FNDC3A: variants seen among roughly 807,000 people sequenced by gnomAD.
FNDC3A encodes fibronectin type-III domain-containing protein 3A.
A neutral mutation model predicts 148.9 loss-of-function variants in FNDC3A; 32 were observed. That is an observed-to-expected ratio of 0.21 (90% CI 0.16 to 0.29). FNDC3A has a LOEUF of 0.29. Among genes scored for constraint, FNDC3A ranks in the 10% least tolerant of loss-of-function variants. The pLI is 1.00. For missense variants in FNDC3A, 1,191 were observed against 1,452.8 expected (o/e 0.82, Z 2.93); for synonymous variants, 472 against 473.6 (o/e 1.00, Z 0.04).
intron 1 of FNDC3A, among the ~76,000 whole-genome samples, chr13:48,978,759 T>C (rs1951646909): frequency 6.6e-6 from 1 of 152,172 alleles, no homozygotes; most frequent in Non-Finnish European, 1.5e-5. Flanking sequence ...TGCATATTTA[T>C]TCCATTGAGC....
chr13:49,190,972 G>C, intron 17 of FNDC3A, 43 bp from the exon 18 acceptor site: 1 of 1,375,858 alleles, frequency 7.3e-7, no homozygotes. Flanking sequence ...TGATTATTTG[G>C]TTTTGGGGCA....
intron 2 of FNDC3A, among the ~76,000 whole-genome samples, chr13:49,068,178 A>T (rs2137759467): frequency 6.8e-6 from 1 of 146,362 alleles, no homozygotes; most frequent in East Asian, 2.0e-4. Flanking sequence ...TATTTAAAAA[A>T]AAAAAAAAAG....
At chr13:49,190,011 C>CA (rs1885800235) in intron 17 of FNDC3A, among the ~76,000 whole-genome samples, 1 of 152,120 alleles carries the variant, frequency 6.6e-6, no homozygotes, top group South Asian at 2.1e-4. Flanking sequence ...CTCAGCCTTC[C>CA]AAGTAGCTGG....
intron 4 of FNDC3A, among the ~76,000 whole-genome samples, chr13:49,120,819 A>T (rs754050721): frequency 2.6e-4 from 39 of 152,238 alleles, no homozygotes; most frequent in Admixed American, 1.2e-3. Context: ...TATGAACCCA[A>T]TACAGGAGCA....
At chr13:49,082,788 A>G (rs1878563519) in intron 3 of FNDC3A, among the ~76,000 whole-genome samples, 1 of 152,068 alleles carries the variant, frequency 6.6e-6, no homozygotes, top group Non-Finnish European at 1.5e-5. Flanking sequence ...GCAGCCTGGT[A>G]TAGGGAGTCA....
chr13:49,124,673 G>A (rs948138808), intron 4 of FNDC3A, among the ~76,000 whole-genome samples: 1 of 152,090 alleles, frequency 6.6e-6, no homozygotes, highest in Non-Finnish European at 1.5e-5. Flanking sequence ...AATAAATAAG[G>A]ATACTTTTAA....
intron 1 of FNDC3A, among the ~76,000 whole-genome samples, chr13:49,002,646 T>A (rs189682883): frequency 1.5e-4 from 23 of 152,310 alleles, no homozygotes; most frequent in East Asian, 5.8e-4. Flanking sequence ...TCCTGACTCT[T>A]AACACCATAA....
chr13:49,078,522 A>G (rs1353056926), intron 3 of FNDC3A, among the ~76,000 whole-genome samples: 1 of 152,212 alleles, frequency 6.6e-6, no homozygotes, highest in African/African-American at 2.4e-5. Context: ...GGATAAAGGG[A>G]ACCAGACAGA....
chr13:49,203,420 T>G (rs1886509765), intron 25 of FNDC3A, 136 bp downstream of exon 25: 1 of 599,866 alleles, frequency 1.7e-6, no homozygotes, highest in Admixed American at 3.2e-5. Flanking sequence ...GTTCCAGAGA[T>G]CTCAAGATTC....
Position 49,201,824 on chromosome 13 carries a change from A to T in FNDC3A, c.3012A>T (p.Pro1004=), listed in dbSNP as rs762387227. ...GGTTTGTATCCCTATACAGAGGACC[A>T]TGTCATACATACAAAGTACAAAGAC... The part of the protein sequence containing the change: ...NGRFVSLYRG[P]CHTYKVQRLN... The change falls in exon 24 of 26, where the codon CCA becomes CCT. Residue 1004 remains proline, a synonymous_variant. Transcript: ENST00000492622. 6.4e-7 allele frequency: 1 copy of T among 1,553,304 alleles called. No individual in the cohort carries two copies. Among genetic ancestry groups the T allele is most frequent in the East Asian group, 2.4e-5 (1 of 42,292 alleles).
At chr13:48,989,134 A>G (rs988596656) in intron 1 of FNDC3A, among the ~76,000 whole-genome samples, 1 of 152,200 alleles carries the variant, frequency 6.6e-6, no homozygotes, top group Non-Finnish European at 1.5e-5. Context: ...GGGAAAAATT[A>G]ATTACATATT....
intron 4 of FNDC3A, among the ~76,000 whole-genome samples, chr13:49,119,532 A>G (rs1881195013): frequency 6.6e-6 from 1 of 152,074 alleles, no homozygotes; most frequent in Admixed American, 6.6e-5. Flanking sequence ...GGGTAATAAC[A>G]AACTCCTCTG....
chr13:49,172,320 C>T (rs1884796983), intron 11 of FNDC3A, among the ~76,000 whole-genome samples: 1 of 152,172 alleles, frequency 6.6e-6, no homozygotes, highest in African/African-American at 2.4e-5. Context: ...TAGGTAACTA[C>T]CTTGATAAAG....
intron 3 of FNDC3A, among the ~76,000 whole-genome samples, chr13:49,082,981 A>G (rs1346105306): frequency 2.0e-5 from 3 of 152,108 alleles, no homozygotes; most frequent in African/African-American, 4.8e-5. Context: ...GAGTCCCAGC[A>G]TGGTCAGATA....
At chr13:49,132,193 T>C (rs764672256) in intron 5 of FNDC3A, among the ~76,000 whole-genome samples, 1 of 152,184 alleles carries the variant, frequency 6.6e-6, no homozygotes, top group African/African-American at 2.4e-5. Flanking sequence ...CTCAAATCCA[T>C]CCACCATCAG....
chr13:49,168,724 C>G lies in FNDC3A; in HGVS notation c.1149C>G (p.Thr383=), dbSNP rs758235098. 1 of 1,613,294 alleles carries G rather than the reference C, an allele frequency of 6.2e-7. No individual in the cohort carries two copies. The highest frequency in any genetic ancestry group is 8.5e-7 in the Non-Finnish European group (1 of 1,179,528). ...ATCCACCAAGGATAGCCAATCGGACCAAAAATTCACTCACTTTGCAATGGA... is the reference window on the plus strand; with the variant it reads ...ATCCACCAAGGATAGCCAATCGGACGAAAAATTCACTCACTTTGCAATGGA... ...IPNPPRIANR[T]KNSLTLQWKA... Residue 383 remains threonine, a synonymous_variant, in exon 10 of 26, where the codon ACC becomes ACG. Transcript: ENST00000492622.
intron 8 of FNDC3A, among the ~76,000 whole-genome samples, chr13:49,151,195 A>G (rs1259956926): frequency 6.6e-6 from 1 of 152,184 alleles, no homozygotes; most frequent in Non-Finnish European, 1.5e-5. Context: ...GAAGTCCCCA[A>G]CTATTATTTT....
At chr13:49,063,226 C>T (rs563241388) in intron 2 of FNDC3A, among the ~76,000 whole-genome samples, 13 of 152,154 alleles carry the variant, frequency 8.5e-5, no homozygotes, top group African/African-American at 3.1e-4. Context: ...GCTAATGTTT[C>T]CTAACATTAA....
rs114657998 is a variant in FNDC3A, at chr13:49,087,922, A to G, written c.175+12558A>G. On this transcript the variant is annotated intron_variant, in intron 3 of 25. Transcript: ENST00000492622. Reference sequence around the variant, plus strand: ...CTAGGTAACAGAAATTTAGAAACCTATTTTTCTGTAGAAGAAAGGTGTTGC... The same window carrying G: ...CTAGGTAACAGAAATTTAGAAACCTGTTTTTCTGTAGAAGAAAGGTGTTGC... 6.3e-3 allele frequency among the ~76,000 whole-genome samples: 959 copies of G among 152,158 alleles called. 6 individuals are homozygous for G. The highest frequency in any genetic ancestry group is 0.019 in the South Asian group (92 of 4,818).
Sources: gnomAD v4.1 joint callset for allele counts (sites outside exome capture counted in the v4.1 genomes callset) on GRCh38, gnomAD v4.1.1 for gene constraint, MANE v1.5 for transcripts, NCBI Gene and HGNC (gene_info 2026-07-23, HGNC 2026-07-21) for gene names.